Variants in MCU observed in about 807,000 individuals in gnomAD.
The protein encoded by MCU is calcium uniporter protein, mitochondrial.
MCU carries 12 observed loss-of-function variants against 45.2 expected under a neutral mutation model. That is an observed-to-expected ratio of 0.27 (90% CI 0.17 to 0.43). The LOEUF is 0.43. Among genes scored for constraint, MCU ranks in the 20% least tolerant of loss-of-function variants. The pLI is 1.00. For missense variants in MCU, 324 were observed against 436.7 expected, an observed-to-expected ratio of 0.74 and a Z score of 2.30; for synonymous variants, 160 against 165.1, an observed-to-expected ratio of 0.97 and a Z score of 0.24.
chr10:72,881,513 A>G (rs574076742), intron 6 of MCU, among the ~76,000 whole-genome samples: 144 of 152,328 alleles, frequency 9.5e-4, no homozygotes, highest in African/African-American at 3.1e-3. Context: ...GCAAGATCCC[A>G]TCTCACAAAA....
intron 1 of MCU, among the ~76,000 whole-genome samples, chr10:72,820,925 T>TC (rs888133251): frequency 1.3e-5 from 2 of 151,928 alleles, no homozygotes; most frequent in Non-Finnish European, 1.5e-5. Context: ...TTTTTTTTTT[T>TC]CCCCAAGTGG....
intron 2 of MCU, among the ~76,000 whole-genome samples, chr10:72,847,609 A>G (rs887744934): frequency 6.6e-6 from 1 of 152,238 alleles, no homozygotes; most frequent in Non-Finnish European, 1.5e-5. Context: ...AGATATTACT[A>G]TAAAATATAA....
At chr10:72,806,854 C>T (rs1023113535) in intron 1 of MCU, among the ~76,000 whole-genome samples, 24 of 152,102 alleles carry the variant, frequency 1.6e-4, no homozygotes, top group Admixed American at 9.2e-4. Flanking sequence ...GGCAGAGAAA[C>T]GAAATTATGC....
intron 1 of MCU, among the ~76,000 whole-genome samples, chr10:72,754,116 A>G (rs554048204): frequency 2.1e-4 from 32 of 152,286 alleles, no homozygotes; most frequent in Admixed American, 1.8e-3. Flanking sequence ...TGGTGAACCA[A>G]TGAGGAAGCC....
rs182185804 is a variant in MCU at position 72,814,393 on chromosome 10, T to A, written c.151-19966T>A. Among the ~76,000 whole-genome samples the A allele has an allele frequency of 4.3e-3, 649 of 152,276 alleles. 1 individual carries two copies. Among genetic ancestry groups the A allele is most frequent in the Admixed American group, 6.0e-3 (92 of 15,284 alleles). ...GACATTGGAGTTTTTTGTTTTTTTT[T>A]AATATATCTTTCATTCCCTGGTGCA... On this transcript the variant is annotated intron_variant, in intron 1 of 7. Transcript: ENST00000373053.
chr10:72,757,238 T>C (rs757073926), intron 1 of MCU, among the ~76,000 whole-genome samples: 38 of 152,154 alleles, frequency 2.5e-4, no homozygotes, highest in Admixed American at 3.9e-4. Context: ...AAATAGGAGA[T>C]GGTGAGGTAA....
chr10:72,728,357 T>G (rs1272533903), intron 1 of MCU, among the ~76,000 whole-genome samples: 1 of 152,162 alleles, frequency 6.6e-6, no homozygotes, highest in Non-Finnish European at 1.5e-5. Flanking sequence ...AAAGGCTGTT[T>G]AAAGGTACTG....
chr10:72,764,481 GTCCAGTAGCTAAAAGGTAACATAACATT>G (rs1843698194), intron 1 of MCU, among the ~76,000 whole-genome samples: 1 of 152,116 alleles, frequency 6.6e-6, no homozygotes, highest in African/African-American at 2.4e-5. Context: ...TCTGTGGTTG[GTCCAGTAGCTAAAAGGTAACATAACATT>G]TGAGCACATG....
At chr10:72,761,514 G>A (rs951925546) in intron 1 of MCU, among the ~76,000 whole-genome samples, 2 of 151,998 alleles carry the variant, frequency 1.3e-5, no homozygotes, top group African/African-American at 4.8e-5. Context: ...TTTTATGATC[G>A]GCACTGCCAT....
chr10:72,782,755 T>A (rs1167683317), intron 1 of MCU, among the ~76,000 whole-genome samples: 2 of 152,254 alleles, frequency 1.3e-5, no homozygotes, highest in Non-Finnish European at 2.9e-5. Context: ...TACAGGGATG[T>A]GTGTCTAGTT....
chr10:72,724,606 T>C (rs570998827), intron 1 of MCU, among the ~76,000 whole-genome samples: 36 of 152,328 alleles, frequency 2.4e-4, no homozygotes, highest in Non-Finnish European at 4.0e-4. Context: ...CTGTATTATA[T>C]ATGAAAGTAG....
At chr10:72,699,191 T>A (rs1457032422) in intron 1 of MCU, among the ~76,000 whole-genome samples, 1 of 152,124 alleles carries the variant, frequency 6.6e-6, no homozygotes, top group African/African-American at 2.4e-5. Context: ...GATGTTACTG[T>A]GGAAGTTGTG....
intron 1 of MCU, among the ~76,000 whole-genome samples, chr10:72,707,198 C>CTTT (rs1327443362): frequency 1.5e-5 from 2 of 129,640 alleles, no homozygotes; most frequent in East Asian, 2.2e-4. Flanking sequence ...ATTTTGAAAT[C>CTTT]TTTTTTTTTT....
At chr10:72,756,988 C>T (rs762392196) in intron 1 of MCU, 3 of 145,430 alleles carry the variant, frequency 2.1e-5, no homozygotes, top group Non-Finnish European at 4.5e-5. Context: ...GCCTGGATAA[C>T]GTAATGAGAC....
chr10:72,722,220 G>A (rs1272754137), intron 1 of MCU, among the ~76,000 whole-genome samples: 1 of 150,072 alleles, frequency 6.7e-6, no homozygotes, highest in Non-Finnish European at 1.5e-5. Context: ...GGAGGCTGAG[G>A]CAGGAGAATC....
At chr10:72,854,077 C>T (rs922370794) in intron 2 of MCU, among the ~76,000 whole-genome samples, 26 of 151,826 alleles carry the variant, frequency 1.7e-4, no homozygotes, top group African/African-American at 6.3e-4. Flanking sequence ...CTACAGTGAG[C>T]CAAGATCACA....
intron 1 of MCU, among the ~76,000 whole-genome samples, chr10:72,804,364 C>CG (rs1844397537): frequency 6.6e-6 from 1 of 151,938 alleles, no homozygotes; most frequent in African/African-American, 2.4e-5. Context: ...ACTAGGATTA[C>CG]AGAAGTGAGC....
chr10:72,696,511 G>A (rs1236958464), intron 1 of MCU, among the ~76,000 whole-genome samples: 1 of 152,074 alleles, frequency 6.6e-6, no homozygotes, highest in Non-Finnish European at 1.5e-5. Flanking sequence ...TGTAATTCCT[G>A]GCTCTTAACC....
At chr10:72,830,476 A>C (rs1844863655) in intron 1 of MCU, among the ~76,000 whole-genome samples, 1 of 152,212 alleles carries the variant, frequency 6.6e-6, no homozygotes, top group Non-Finnish European at 1.5e-5. Context: ...AAGGGGAAAA[A>C]CTGGGTGGCT....
Sources: allele counts gnomAD v4.1 joint callset (sites outside exome capture counted in the v4.1 genomes callset), GRCh38; gene constraint gnomAD v4.1.1; transcripts MANE v1.5; gene names NCBI Gene and HGNC (gene_info 2026-07-23, HGNC 2026-07-21).